The following WWOX variants were observed in gnomAD, a reference collection of about 807,000 sequenced individuals.
WWOX encodes the protein WW domain containing oxidoreductase.
WWOX carries 69 observed loss-of-function variants against 46.2 expected under a neutral mutation model. That is an observed-to-expected ratio of 1.49 (90% CI 1.23 to 1.82). The LOEUF is 1.82. Among genes scored for constraint, WWOX ranks in the 40% most tolerant of loss-of-function variants. The pLI is 0.00. For synonymous variants in WWOX, 359 were observed against 202.6 expected (o/e 1.77, Z -6.56); for missense variants, 919 against 542.6 (o/e 1.69, Z -6.89).
chr16:78,109,736 C>G, intron 2 of WWOX, 42 bp from the exon 3 acceptor site: 1 of 1,609,298 alleles, frequency 6.2e-7, no homozygotes, highest in Non-Finnish European at 8.5e-7. Flanking sequence ...ATGGTCTTTA[C>G]TTCTCCCTGG....
In WWOX at chr16:78,751,429, A is replaced by G. The variant is rs1225137443; in HGVS notation, c.1056+318677A>G. 3.3e-4 allele frequency among the ~76,000 whole-genome samples: 48 copies of G among 144,348 alleles called. No individual in the cohort carries two copies. The Admixed American group carries it at 3.4e-3, about 10-fold the overall frequency. 94.7% of individuals were successfully genotyped at this position (144,348 alleles called of 152,430 possible). A position where few individuals can be genotyped will look rare whatever the true frequency, so the allele number is the denominator to read the frequency against. On this transcript the variant is annotated intron_variant, in intron 8 of 8. Coordinates refer to ENST00000566780, the MANE Select transcript of WWOX (RefSeq NM_016373.4). The stretch of plus-strand genomic sequence containing the variant: ...AATTTATCAGATTATATATATATAT[A>G]TTTATCAGATTATATATATATTTAT...
chr16:78,542,348 A>G (rs1232436364), intron 8 of WWOX, among the ~76,000 whole-genome samples: 2 of 152,160 alleles, frequency 1.3e-5, no homozygotes, highest in African/African-American at 4.8e-5. Context: ...GGAGAACATC[A>G]TGTAGAATCT....
At chr16:78,555,053 G>C (rs1049098133) in intron 8 of WWOX, among the ~76,000 whole-genome samples, 1 of 151,956 alleles carries the variant, frequency 6.6e-6, no homozygotes, top group Non-Finnish European at 1.5e-5. Context: ...GAGGAATGTG[G>C]AGACATTGGT....
intron 8 of WWOX, among the ~76,000 whole-genome samples, chr16:78,447,147 C>A (rs978698632): frequency 1.3e-5 from 2 of 152,112 alleles, no homozygotes; most frequent in African/African-American, 4.8e-5. Context: ...AGTATTTGAT[C>A]TTACAAAAAT....
At position 78,681,094 on chromosome 16, in the gene WWOX, C is replaced by A. The variant is rs536890200; in HGVS notation, c.1056+248342C>A. Among the ~76,000 whole-genome samples the A allele has an allele frequency of 5.9e-5, 9 of 152,282 alleles. No individual in the cohort carries two copies. The South Asian group carries it at 1.9e-3, about 32-fold the overall frequency. On this transcript the variant is annotated intron_variant, in intron 8 of 8. Coordinates refer to ENST00000566780, the MANE Select transcript of WWOX (RefSeq NM_016373.4). Reference sequence around the variant, plus strand: ...TGAAACCCCATCTGTAATAAAAATGCAAAAGATAGTTGAGCGTGGTGGCGC... The same window carrying A: ...TGAAACCCCATCTGTAATAAAAATGAAAAAGATAGTTGAGCGTGGTGGCGC...
chr16:78,730,803 C>G (rs1280071435), intron 8 of WWOX, among the ~76,000 whole-genome samples: 1 of 151,950 alleles, frequency 6.6e-6, no homozygotes, highest in Non-Finnish European at 1.5e-5. Flanking sequence ...ACACAGTTTT[C>G]TCTTGTGGCT....
chr16:78,742,530 G>T (rs951441994), intron 8 of WWOX, among the ~76,000 whole-genome samples: 1 of 152,220 alleles, frequency 6.6e-6, no homozygotes, highest in African/African-American at 2.4e-5. Flanking sequence ...CCCTAGAAAT[G>T]TTCTTTCCTC....
chr16:78,854,571 T>G (rs2052524536), intron 8 of WWOX, among the ~76,000 whole-genome samples: 1 of 152,182 alleles, frequency 6.6e-6, no homozygotes, highest in Non-Finnish European at 1.5e-5. Context: ...GATACCTGTA[T>G]TTGCTAATTT....
intron 6 of WWOX, among the ~76,000 whole-genome samples, chr16:78,417,453 C>T (rs950190370): frequency 3.9e-5 from 6 of 152,006 alleles, no homozygotes; most frequent in Middle Eastern, 3.4e-3. Flanking sequence ...ATATATGTCA[C>T]GTAGGGTTCT....
rs546139226 is a variant in WWOX at position 78,435,214 on chromosome 16, A to G, written c.1056+2462A>G. Among the ~76,000 whole-genome samples the G allele has an allele frequency of 6.6e-5, 10 of 152,228 alleles. No individual in the cohort carries two copies. The South Asian group carries it at 1.5e-3, about 22-fold the overall frequency. The stretch of plus-strand genomic sequence containing the variant: ...ACTACCATGTCGGGGAGGATGCACA[A>G]TGAATTGGACGAAGGTTGCAACTCA... On this transcript the variant is annotated intron_variant, in intron 8 of 8. Coordinates refer to ENST00000566780, the MANE Select transcript of WWOX (RefSeq NM_016373.4).
chr16:78,869,073 G>T (rs1047222514), intron 8 of WWOX, among the ~76,000 whole-genome samples: 3 of 152,120 alleles, frequency 2.0e-5, no homozygotes, highest in African/African-American at 7.2e-5. Flanking sequence ...GATAACCACT[G>T]TATGTTTATT....
At chr16:79,063,077 T>C (rs777142226) in intron 8 of WWOX, among the ~76,000 whole-genome samples, 4 of 152,148 alleles carry the variant, frequency 2.6e-5, no homozygotes, top group African/African-American at 7.2e-5. Context: ...TGTTTGAAAG[T>C]TGGTGCCGCG....
intron 8 of WWOX, among the ~76,000 whole-genome samples, chr16:78,933,915 G>A (rs939904178): frequency 3.3e-5 from 5 of 152,084 alleles, no homozygotes; most frequent in Non-Finnish European, 5.9e-5. Context: ...ACTATAGCTG[G>A]GTGAAGTGGC....
chr16:79,202,832 G>C (rs1008354282), intron 8 of WWOX: 12 of 152,090 alleles, frequency 7.9e-5, no homozygotes, highest in African/African-American at 2.9e-4. Flanking sequence ...GTCTACATAG[G>C]GGAAGAGAAA....
intron 8 of WWOX, among the ~76,000 whole-genome samples, chr16:78,453,096 C>T (rs1409766728): frequency 6.6e-6 from 1 of 151,912 alleles, no homozygotes; most frequent in African/African-American, 2.4e-5. Flanking sequence ...GGCCAGGCTG[C>T]AGCTATTTAT....
At chr16:78,492,118 G>T (rs1408242609) in intron 8 of WWOX, among the ~76,000 whole-genome samples, 1 of 152,180 alleles carries the variant, frequency 6.6e-6, no homozygotes, top group African/African-American at 2.4e-5. Context: ...GGTTTCACAT[G>T]ACAAGTAAAT....
intron 1 of WWOX, among the ~76,000 whole-genome samples, chr16:78,107,951 A>G (rs2032254554): frequency 6.6e-6 from 1 of 152,032 alleles, no homozygotes; most frequent in Non-Finnish European, 1.5e-5. Flanking sequence ...TATTTTTGAG[A>G]CAGAGTCTTG....
chr16:78,443,383 A>G (rs1181652611), intron 8 of WWOX, among the ~76,000 whole-genome samples: 1 of 152,108 alleles, frequency 6.6e-6, no homozygotes, highest in Non-Finnish European at 1.5e-5. Context: ...GCTCATCAGA[A>G]CTCAGCAGGC....
chr16:78,673,518 G>C (rs2047516579), intron 8 of WWOX, among the ~76,000 whole-genome samples: 1 of 152,140 alleles, frequency 6.6e-6, no homozygotes. Context: ...ACATCCCCAA[G>C]CCTTGCATAC....
Sources: allele counts gnomAD v4.1 joint callset (sites outside exome capture counted in the v4.1 genomes callset), GRCh38; gene constraint gnomAD v4.1.1; transcripts MANE v1.5; gene names NCBI Gene and HGNC (gene_info 2026-07-23, HGNC 2026-07-21).